Variants in NKAIN2 observed in about 807,000 individuals in gnomAD.
The protein encoded by NKAIN2 is sodium/potassium transporting ATPase interacting 2.
In NKAIN2, 14 loss-of-function variants were observed where a neutral mutation model predicts 32.6. That is an observed-to-expected ratio of 0.43 (90% CI 0.28 to 0.67). The LOEUF (loss-of-function observed/expected upper bound fraction) is 0.67. Among genes scored for constraint, NKAIN2 ranks in the 30% least tolerant of loss-of-function variants. The pLI, the probability that NKAIN2 is intolerant of heterozygous loss-of-function variation, is 0.17. For missense variants in NKAIN2, 198 were observed against 258.3 expected, an observed-to-expected ratio of 0.77 and a Z score of 1.60; for synonymous variants, 80 against 87.2, an observed-to-expected ratio of 0.92 and a Z score of 0.46.
intron 3 of NKAIN2, chr6:124,390,768 A>G (rs1773106292): frequency 6.6e-6 from 1 of 152,134 alleles, no homozygotes; most frequent in Non-Finnish European, 1.5e-5. Context: ...AGCCATGTTT[A>G]TCAAACAGAG....
At chr6:123,826,641 C>T (rs1262902956) in intron 1 of NKAIN2, among the ~76,000 whole-genome samples, 1 of 152,120 alleles carries the variant, frequency 6.6e-6, no homozygotes, top group East Asian at 1.9e-4. Context: ...ACTTATTTCC[C>T]TTAATGTAAT....
chr6:124,127,066 T>G (rs9388301), intron 1 of NKAIN2, among the ~76,000 whole-genome samples: 102,770 of 151,814 alleles, frequency 0.68, 34,879 homozygotes, highest in East Asian at 0.83. Context: ...CATATATATA[T>G]AGAGAGAGAG....
At chr6:124,807,287 A>G (rs1271618515) in intron 5 of NKAIN2, among the ~76,000 whole-genome samples, 2 of 152,082 alleles carry the variant, frequency 1.3e-5, no homozygotes, top group African/African-American at 2.4e-5. Flanking sequence ...ATAACAAACT[A>G]TCTCTCAGAC....
At chr6:124,292,823 A>AT (rs1186902800) in intron 2 of NKAIN2, among the ~76,000 whole-genome samples, 2 of 151,934 alleles carry the variant, frequency 1.3e-5, no homozygotes, top group Non-Finnish European at 2.9e-5. Flanking sequence ...GTTTTAATTT[A>AT]TTTTTTTACT....
At chr6:124,244,789 T>C (rs775747383) in intron 1 of NKAIN2, among the ~76,000 whole-genome samples, 9 of 152,068 alleles carry the variant, frequency 5.9e-5, no homozygotes, top group Non-Finnish European at 1.3e-4. Flanking sequence ...AATAAATAAA[T>C]AAATACCTTG....
At chr6:124,779,241 CAAAGAAAGAGAG>C (rs1200933114) in intron 4 of NKAIN2, among the ~76,000 whole-genome samples, 3,003 of 90,844 alleles carry the variant, frequency 0.033, 273 homozygotes, top group African/African-American at 0.12. Flanking sequence ...CAGACTCCAA[CAAAGAAAGAGAG>C]AGAGAGAGAG....
At chr6:124,689,578 G>A (rs1333734199) in intron 4 of NKAIN2, among the ~76,000 whole-genome samples, 3 of 152,008 alleles carry the variant, frequency 2.0e-5, no homozygotes, top group Admixed American at 2.0e-4. Flanking sequence ...CCTTCTAGAA[G>A]CTTTATAGTT....
chr6:123,832,674 G>T (rs1023908395), intron 1 of NKAIN2, among the ~76,000 whole-genome samples: 4 of 152,124 alleles, frequency 2.6e-5, no homozygotes, highest in African/African-American at 9.7e-5. Flanking sequence ...ATTCTGACAG[G>T]CATGTAGAAG....
chr6:124,581,896 A>T (rs1370623580), intron 3 of NKAIN2, among the ~76,000 whole-genome samples: 1 of 152,206 alleles, frequency 6.6e-6, no homozygotes, highest in Non-Finnish European at 1.5e-5. Flanking sequence ...TTATAGCTAT[A>T]CGTGCCTACA....
chr6:124,102,047 A>G (rs1348204560), intron 1 of NKAIN2, among the ~76,000 whole-genome samples: 4 of 152,222 alleles, frequency 2.6e-5, no homozygotes, highest in Admixed American at 6.5e-5. Flanking sequence ...ACCAAGAGAC[A>G]ATTTTGGTAC....
chr6:124,272,973 C>G (rs1270669079), intron 1 of NKAIN2, among the ~76,000 whole-genome samples: 1 of 152,146 alleles, frequency 6.6e-6, no homozygotes, highest in Non-Finnish European at 1.5e-5. Flanking sequence ...TGCCTGTTCC[C>G]CCACTGTATC....
intron 1 of NKAIN2, among the ~76,000 whole-genome samples, chr6:123,925,034 A>C (rs1775943411): frequency 2.0e-5 from 3 of 152,294 alleles, no homozygotes; most frequent in South Asian, 4.1e-4. Context: ...TATGTACCAG[A>C]ATACAATATT....
intron 3 of NKAIN2, among the ~76,000 whole-genome samples, chr6:124,561,773 T>C (rs923067654): frequency 4.6e-5 from 7 of 152,200 alleles, no homozygotes; most frequent in African/African-American, 1.2e-4. Flanking sequence ...TCGGCTGAAA[T>C]AGCCCGTTTT....
intron 1 of NKAIN2, among the ~76,000 whole-genome samples, chr6:123,871,471 C>T (rs963274336): frequency 6.6e-6 from 1 of 152,168 alleles, no homozygotes; most frequent in Non-Finnish European, 1.5e-5. Flanking sequence ...CCTTCATCAC[C>T]GTCACCTCCT....
In NKAIN2 at chr6:123,938,488, A is replaced by G. The variant is rs982656997; in HGVS notation, c.54+134234A>G. ...CACACGCATATTATACATAATATAT[A>G]ATATATATTTATATATAATATATTA... On this transcript the variant is annotated intron_variant, in intron 1 of 6. Transcript: ENST00000368417. 1.0e-4 allele frequency among the ~76,000 whole-genome samples: 14 copies of G among 134,136 alleles called. No individual in the cohort carries two copies. In the South Asian group the frequency reaches 3.1e-3, roughly 30 times the overall value. The allele number at this position is 134,136 out of a possible 152,430, so 88.0% of individuals were successfully genotyped here.
At chr6:124,205,531 G>T (rs699376) in intron 1 of NKAIN2, among the ~76,000 whole-genome samples, 104,402 of 151,400 alleles carry the variant, frequency 0.69, 36,197 homozygotes, top group South Asian at 0.75. Flanking sequence ...TTTTCACTAA[G>T]TCGTTCATAT....
At chr6:123,943,489 A>T (rs1177169781) in intron 1 of NKAIN2, among the ~76,000 whole-genome samples, 1 of 152,040 alleles carries the variant, frequency 6.6e-6, no homozygotes, top group Non-Finnish European at 1.5e-5. Context: ...GAAAGGGGAC[A>T]GTGCTTTGGC....
At chr6:123,902,762 C>G (rs1774667191) in intron 1 of NKAIN2, among the ~76,000 whole-genome samples, 1 of 152,140 alleles carries the variant, frequency 6.6e-6, no homozygotes, top group Admixed American at 6.5e-5. Flanking sequence ...CAGGAAACAG[C>G]TGTCAGATAA....
At chr6:124,523,661 T>C (rs570246460) in intron 3 of NKAIN2, among the ~76,000 whole-genome samples, 1 of 152,194 alleles carries the variant, frequency 6.6e-6, no homozygotes, top group South Asian at 2.1e-4. Context: ...ACCAAAGGGA[T>C]ATATGTAGAG....
Sources: allele counts gnomAD v4.1 joint callset (sites outside exome capture counted in the v4.1 genomes callset), GRCh38; gene constraint gnomAD v4.1.1; transcripts MANE v1.5; gene names NCBI Gene and HGNC (gene_info 2026-07-23, HGNC 2026-07-21).